Variants in AP2A1 observed in about 807,000 individuals in gnomAD.
AP2A1 encodes the protein AP-2 complex subunit alpha-1.
In AP2A1, 21 loss-of-function variants were observed where a neutral mutation model predicts 107.3. The observed-to-expected ratio is 0.20, with a 90% confidence interval of 0.14 to 0.28. The LOEUF is 0.28. Among genes scored for constraint, AP2A1 ranks in the 10% least tolerant of loss-of-function variants. The probability of loss-of-function intolerance (pLI) is 1.00; values close to 1 mark genes in which losing one functional copy is unlikely to be tolerated. For missense variants in AP2A1, 873 were observed against 1,307.7 expected (o/e 0.67, Z 5.13); for synonymous variants, 602 against 564.8 (o/e 1.07, Z -0.93).
At chr19:49,772,165 C>A (rs1474727539) in intron 1 of AP2A1, among the ~76,000 whole-genome samples, 1 of 151,754 alleles carries the variant, frequency 6.6e-6, no homozygotes, top group Admixed American at 6.6e-5. Context: ...TCAAGCTATC[C>A]TCCCGCCTCA....
chr19:49,786,852 T>C (rs2084743019), intron 4 of AP2A1, among the ~76,000 whole-genome samples: 1 of 152,046 alleles, frequency 6.6e-6, no homozygotes, highest in Non-Finnish European at 1.5e-5. Flanking sequence ...GCAGATGACA[T>C]TGTCCCTGGA....
At chr19:49,786,333 T>C (rs990570559) in intron 4 of AP2A1, among the ~76,000 whole-genome samples, 78 of 152,262 alleles carry the variant, frequency 5.1e-4, no homozygotes, top group Admixed American at 5.1e-3. Flanking sequence ...TGACACTGAA[T>C]CAGCGTAAAA....
Position 49,801,639 on chromosome 19 carries a change from C to A in AP2A1, c.1785+18C>A. Reference sequence around the variant, plus strand: ...ACGTCCTGGTCAGAGCCCTGTCCCCCCACCCCACCCCTCTTGCACACCCCC... The same window carrying A: ...ACGTCCTGGTCAGAGCCCTGTCCCCACACCCCACCCCTCTTGCACACCCCC... On this transcript the variant is annotated intron_variant, in intron 13 of 22. Transcript: ENST00000354293. 6.4e-7 allele frequency: 1 copy of A among 1,569,102 alleles called. No homozygotes were observed. Among genetic ancestry groups the A allele is most frequent in the Non-Finnish European group, 8.7e-7 (1 of 1,155,318 alleles).
At chr19:49,802,906 C>G in intron 15 of AP2A1, 43 bp from the exon 16 acceptor site, 2 of 1,596,306 alleles carry the variant, frequency 1.3e-6, no homozygotes, top group Non-Finnish European at 1.7e-6. Context: ...TTTGCCCCTC[C>G]CCACCAAGTT....
chr19:49,799,962 C>G lies in AP2A1; in HGVS notation c.1273-6C>G. 1 of 1,612,110 alleles carries G rather than the reference C, an allele frequency of 6.2e-7. No individual in the cohort carries two copies. On this transcript the variant is annotated splice_polypyrimidine_tract_variant and splice_region_variant and intron_variant, in intron 10 of 22. Coordinates refer to ENST00000354293, the MANE Select transcript of AP2A1 (RefSeq NM_130787.3). ...GCACACTCTCTCTCACACGCCCCGG[C>G]GGCAGGTCCTGAAGGTGGCCATCCT...
At position 49,802,924 on chromosome 19, in the gene AP2A1, A is replaced by G. The variant is rs79760591; in HGVS notation, c.2115-25A>G. ...GCCCCTCCCCACCAAGTTCCTTCCC[A>G]TCTCACTCTGCTCCATGCCTCCAGC... On this transcript the variant is annotated intron_variant, in intron 15 of 22. Coordinates refer to ENST00000354293, the MANE Select transcript of AP2A1 (RefSeq NM_130787.3). 1,597 of 1,609,724 alleles carry G rather than the reference A, an allele frequency of 9.9e-4. 13 individuals carry two copies. In the African/African-American group the frequency reaches 0.02, roughly 20 times the overall value.
At chr19:49,772,169 C>A (rs181392035) in intron 1 of AP2A1, among the ~76,000 whole-genome samples, 16 of 151,212 alleles carry the variant, frequency 1.1e-4, no homozygotes, top group Middle Eastern at 6.8e-3. Context: ...GCTATCCTCC[C>A]GCCTCAGCCT....
rs746525583 is a variant in AP2A1, at chr19:49,803,101, C to G, written c.2172-6C>G. 1.2e-6 allele frequency: 2 copies of G among 1,613,872 alleles called. No homozygotes were observed. The highest frequency in any genetic ancestry group is 1.3e-5 in the African/African-American group (1 of 74,908). On this transcript the variant is annotated splice_region_variant and splice_polypyrimidine_tract_variant and intron_variant, in intron 16 of 22. Transcript: ENST00000354293. ...CCCCGTCATCTTGCGCCCCCTGCCC[C>G]CTCAGGTTTGTGTGTAAGAACAACG...
chr19:49,801,233 G>A (rs191154492), intron 12 of AP2A1, among the ~76,000 whole-genome samples, 157 bp from the exon 13 acceptor site: 9 of 152,166 alleles, frequency 5.9e-5, no homozygotes, highest in African/African-American at 1.7e-4. Flanking sequence ...TGGACAGAGT[G>A]TGACTGCGGC....
rs1194416957 is a variant in AP2A1 at position 49,772,671 on chromosome 19, A to AT, written c.67+5481dup. On this transcript the variant is annotated intron_variant, in intron 1 of 22. Transcript: ENST00000354293. ...CCAACACGCCCGGCTAATTTTTTGT[A>AT]TTTTTTTTTTAGTAGAGATGGGGTT... Among the ~76,000 whole-genome samples, 85 of 142,952 alleles carry AT rather than the reference A, an allele frequency of 5.9e-4. 2 individuals are homozygous for AT. The highest frequency in any genetic ancestry group is 3.0e-3 in the Admixed American group (43 of 14,220). The allele number at this position is 142,952 out of a possible 152,430, so 93.8% of individuals were successfully genotyped here. A position where few individuals can be genotyped will look rare whatever the true frequency, so the allele number is the denominator to read the frequency against.
Position 49,805,676 on chromosome 19 carries a change from C to G in AP2A1, c.2484C>G (p.Pro828=), listed in dbSNP as rs1375892189. 1 of 1,563,884 alleles carries G rather than the reference C, an allele frequency of 6.4e-7. No homozygotes were observed. The highest frequency in any genetic ancestry group is 8.7e-7 in the Non-Finnish European group (1 of 1,155,028). ...ACCTCATCAGGTACGGTGGCGCCCCCCAGGCCCTCACCCTGAAGCTCCCAG... is the reference window on the plus strand; with the variant it reads ...ACCTCATCAGGTACGGTGGCGCCCCGCAGGCCCTCACCCTGAAGCTCCCAG... ...LSVRFRYGGA[P]QALTLKLPVT... The change falls in exon 20 of 23, where the codon CCC becomes CCG. Residue 828 remains proline (P), a synonymous_variant. Transcript: ENST00000354293.
intron 14 of AP2A1, 37 bp downstream of exon 14, chr19:49,801,926 G>C: frequency 6.2e-6 from 9 of 1,459,780 alleles, no homozygotes; most frequent in Non-Finnish European, 8.1e-6. Flanking sequence ...AGGGTGCCTG[G>C]GGCTGGGTCC....
intron 1 of AP2A1, among the ~76,000 whole-genome samples, chr19:49,777,001 G>A (rs1600217698): frequency 6.6e-6 from 1 of 152,104 alleles, no homozygotes; most frequent in East Asian, 1.9e-4. Context: ...GGCTGAGGCG[G>A]GTGGATCACT....
Position 49,793,103 on chromosome 19 carries a change from C to A in AP2A1, c.705+11C>A. 1.9e-6 allele frequency: 3 copies of A among 1,591,028 alleles called. No individual in the cohort carries two copies. The highest frequency in any genetic ancestry group is 2.6e-6 in the Non-Finnish European group (3 of 1,169,004). On this transcript the variant is annotated intron_variant, in intron 6 of 22. Coordinates refer to ENST00000354293, the MANE Select transcript of AP2A1 (RefSeq NM_130787.3). ...TCGCGCCTGAGCCGGGTGGGTGTGG[C>A]CTAGATATTGGCTGCTGGAGGTGGC...
At chr19:49,790,339 C>T (rs2073126225) in intron 4 of AP2A1, among the ~76,000 whole-genome samples, 1 of 152,158 alleles carries the variant, frequency 6.6e-6, no homozygotes, top group Non-Finnish European at 1.5e-5. Context: ...CTTATAAGGA[C>T]CCTGTGATGA....
rs747006032 is a variant in AP2A1, at chr19:49,801,429, T to C, written c.1593T>C (p.His531=). The C allele has an allele frequency of 2.5e-6, 4 of 1,613,570 alleles. No homozygotes were observed. Among genetic ancestry groups the C allele is most frequent in the East Asian group, 2.2e-5 (1 of 44,868 alleles). The part of the protein sequence containing the change: ...VQFSLLHSKF[H]LCSVATRALL... ...TCTCCCTGCTCCACTCCAAGTTCCA[T>C]CTGTGCAGCGTGGCCACGCGGGCGC... The change falls in exon 13 of 23, where the codon CAT becomes CAC. Residue 531 remains histidine (H), a synonymous_variant. Transcript: ENST00000354293.
Position 49,807,024 on chromosome 19 carries a change from C to A in AP2A1, c.*266C>A. The A allele has an allele frequency of 1.4e-6, 2 of 1,478,234 alleles. No homozygotes were observed. Among genetic ancestry groups the A allele is most frequent in the Non-Finnish European group, 1.8e-6 (2 of 1,099,812 alleles). The allele number at this position is 1,478,234 out of a possible 1,614,324, so 91.6% of individuals were successfully genotyped here. A position where few individuals can be genotyped will look rare whatever the true frequency, so the allele number is the denominator to read the frequency against. ...GCCAGGGAAGTGGATGTCTCCTCCC[C>A]TCCCACCCCACCCTGTTGTAGCCCC... On this transcript the variant is annotated 3_prime_UTR_variant, in exon 23 of 23. Transcript: ENST00000354293.
chr19:49,802,187 G>T (rs771070823), intron 15 of AP2A1, 46 bp downstream of exon 15: 3 of 1,483,434 alleles, frequency 2.0e-6, no homozygotes, highest in Non-Finnish European at 2.7e-6. Context: ...CACCCCCAGG[G>T]CTGTCCCTTC....
At position 49,799,515 on chromosome 19, in the gene AP2A1, AC is replaced by A. The variant is rs777381987; in HGVS notation, c.1134+24del. ...CTCAAGGTGTGAGCCCTTGGAGCCC[AC>A]CCCGGGCCTGCCACCCCCCTCAGAA... On this transcript the variant is annotated intron_variant, in intron 9 of 22. Coordinates refer to ENST00000354293, the MANE Select transcript of AP2A1 (RefSeq NM_130787.3). 2.5e-6 allele frequency: 4 copies of A among 1,607,476 alleles called. No homozygotes were observed. Among genetic ancestry groups the A allele is most frequent in the South Asian group, 1.1e-5 (1 of 90,992 alleles).
Sources: allele counts gnomAD v4.1 joint callset (sites outside exome capture counted in the v4.1 genomes callset), GRCh38; gene constraint gnomAD v4.1.1; transcripts MANE v1.5; gene names NCBI Gene and HGNC (gene_info 2026-07-23, HGNC 2026-07-21).